Variants in ACER3 observed in about 807,000 individuals in gnomAD.
ACER3 encodes alkCDase 3.
ACER3 carries 16 observed loss-of-function variants against 48.9 expected under a neutral mutation model. That is an observed-to-expected ratio of 0.33 (90% CI 0.22 to 0.50). ACER3 has a LOEUF of 0.50. Ranked by LOEUF, ACER3 falls within the 20% of genes least tolerant of loss-of-function variation. The pLI, the probability that ACER3 is intolerant of heterozygous loss-of-function variation, is 0.98. For missense variants in ACER3, 227 were observed against 326.0 expected, an observed-to-expected ratio of 0.70 and a Z score of 2.34; for synonymous variants, 109 against 107.8, an observed-to-expected ratio of 1.01 and a Z score of -0.07.
Position 76,965,837 on chromosome 11 carries a change from C to G in ACER3, c.267+6806C>G, listed in dbSNP as rs1948122545. Among the ~76,000 whole-genome samples, 3 of 151,352 alleles carry G rather than the reference C, an allele frequency of 2.0e-5. No homozygotes were observed. In the South Asian group the frequency reaches 6.2e-4, roughly 31 times the overall value. ...TAAACATGGAAAGGAACAACCGGTACCAGCCACTGCAAAAACATGCCAAAT... is the reference window on the plus strand; with the variant it reads ...TAAACATGGAAAGGAACAACCGGTAGCAGCCACTGCAAAAACATGCCAAAT... On this transcript the variant is annotated intron_variant, in intron 3 of 10. Coordinates refer to ENST00000532485, the MANE Select transcript of ACER3 (RefSeq NM_018367.7).
At chr11:76,991,478 C>A (rs897725012) in intron 6 of ACER3, among the ~76,000 whole-genome samples, 1 of 152,040 alleles carries the variant, frequency 6.6e-6, no homozygotes, top group African/African-American at 2.4e-5. Context: ...TGCTTTTCTC[C>A]AGGTCAGCTG....
intron 2 of ACER3, among the ~76,000 whole-genome samples, chr11:76,952,139 TACACACACAC>T (rs71272233): frequency 4.1e-5 from 3 of 72,658 alleles, no homozygotes; most frequent in African/African-American, 1.2e-4. Context: ...TATATATATA[TACACACACAC>T]ACACACACAC....
Position 76,897,312 on chromosome 11 carries a change from C to T in ACER3, c.104-29245C>T, listed in dbSNP as rs576801686. 2.6e-5 allele frequency among the ~76,000 whole-genome samples: 4 copies of T among 152,224 alleles called. No homozygotes were observed. In the East Asian group the frequency reaches 7.7e-4, roughly 29 times the overall value. ...TAATTGTGGATGTTCTTTGACATTA[C>T]GTATACCAAAACTTGACAAGTGGTA... On this transcript the variant is annotated intron_variant, in intron 1 of 10. Coordinates refer to ENST00000532485, the MANE Select transcript of ACER3 (RefSeq NM_018367.7).
intron 1 of ACER3, among the ~76,000 whole-genome samples, chr11:76,921,838 A>T (rs745769996): frequency 1.3e-5 from 2 of 152,168 alleles, no homozygotes; most frequent in African/African-American, 2.4e-5. Flanking sequence ...CAGATTGTCA[A>T]TCTGACCCAG....
intron 1 of ACER3, among the ~76,000 whole-genome samples, chr11:76,922,018 A>C (rs1441222391): frequency 6.6e-6 from 1 of 152,204 alleles, no homozygotes; most frequent in Non-Finnish European, 1.5e-5. Flanking sequence ...GCTGAATTAA[A>C]GCAGAGAAAA....
intron 2 of ACER3, among the ~76,000 whole-genome samples, chr11:76,936,010 A>T (rs1231359300): frequency 6.6e-6 from 1 of 152,112 alleles, no homozygotes; most frequent in Non-Finnish European, 1.5e-5. Flanking sequence ...CAACAACAAA[A>T]CACCCTGCAT....
intron 3 of ACER3, among the ~76,000 whole-genome samples, chr11:76,962,700 A>C (rs1056888220): frequency 1.3e-5 from 2 of 151,422 alleles, no homozygotes; most frequent in Non-Finnish European, 2.9e-5. Flanking sequence ...GAAAGTAAAG[A>C]AATTTATTGC....
chr11:77,015,734 G>T (rs1306888851), intron 8 of ACER3, among the ~76,000 whole-genome samples: 1 of 152,150 alleles, frequency 6.6e-6, no homozygotes, highest in Non-Finnish European at 1.5e-5. Context: ...GTACTGAACA[G>T]TACTACAGGA....
At chr11:76,957,302 T>C (rs962188706) in intron 2 of ACER3, among the ~76,000 whole-genome samples, 1 of 152,218 alleles carries the variant, frequency 6.6e-6, no homozygotes, top group Non-Finnish European at 1.5e-5. Context: ...TTAGATGTTA[T>C]AAGGGCTGAT....
chr11:76,889,559 T>C (rs1254647980), intron 1 of ACER3, among the ~76,000 whole-genome samples: 1 of 152,212 alleles, frequency 6.6e-6, no homozygotes, highest in Non-Finnish European at 1.5e-5. Context: ...AATATAGAGT[T>C]GAGAAGTATA....
intron 1 of ACER3, among the ~76,000 whole-genome samples, chr11:76,918,262 T>C (rs1402323122): frequency 6.6e-6 from 1 of 152,116 alleles, no homozygotes; most frequent in Non-Finnish European, 1.5e-5. Flanking sequence ...GTTTCCTGTT[T>C]TTTTTTTCTT....
chr11:76,943,627 T>G lies in ACER3; in HGVS notation c.215-15352T>G, dbSNP rs1447441463. On this transcript the variant is annotated intron_variant, in intron 2 of 10. Transcript: ENST00000532485. ...ATGTGGTGATGAAAATAATATATAT[T>G]CTGTAGTTGTTGGGTAGAATGTTCT... Among the ~76,000 whole-genome samples the G allele has an allele frequency of 2.0e-5, 3 of 152,024 alleles. 1 individual carries two copies. The highest frequency in any genetic ancestry group is 4.4e-5 in the Non-Finnish European group (3 of 67,904).
chr11:76,872,911 C>CTTTTTTTTTTTTTTTTTTTTTTTTTTTTT (rs59654087), intron 1 of ACER3, among the ~76,000 whole-genome samples: 2 of 68,702 alleles, frequency 2.9e-5, no homozygotes, highest in Non-Finnish European at 3.4e-5. Context: ...TTTTCTTTTT[C>CTTTTTTTTTTTTTTTTTTTTTTTTTTTTT]TTTTTTTTTT....
At chr11:76,984,919 A>G (rs1231529406) in intron 4 of ACER3, among the ~76,000 whole-genome samples, 1 of 152,192 alleles carries the variant, frequency 6.6e-6, no homozygotes, top group African/African-American at 2.4e-5. Context: ...ACCCAATAGC[A>G]GGAAGTACAG....
chr11:76,921,529 G>A (rs963663359), intron 1 of ACER3, among the ~76,000 whole-genome samples: 3 of 152,086 alleles, frequency 2.0e-5, no homozygotes, highest in South Asian at 4.2e-4. Flanking sequence ...TCAGGTGCTC[G>A]TAAATGTTAG....
intron 1 of ACER3, among the ~76,000 whole-genome samples, chr11:76,903,390 C>T (rs537868295): frequency 6.6e-6 from 1 of 152,182 alleles, no homozygotes; most frequent in Admixed American, 6.5e-5. Flanking sequence ...CTCTGCCCAG[C>T]ATTCAATTTA....
At position 77,026,257 on chromosome 11, in the gene ACER3, T is replaced by C. The variant is rs1949548488; in HGVS notation, c.*5930T>C. On this transcript the variant is annotated 3_prime_UTR_variant, in exon 11 of 11. Transcript: ENST00000532485. ...TCAAGCTGTGGTAGTCATGTACACTTTTTTTCTTTTTTTTAACTTTCTAAA... is the reference window on the plus strand; with the variant it reads ...TCAAGCTGTGGTAGTCATGTACACTCTTTTTCTTTTTTTTAACTTTCTAAA... 2 of 11,180 alleles carry C rather than the reference T, an allele frequency of 1.8e-4. No individual in the cohort carries two copies. The highest frequency in any genetic ancestry group is 5.4e-4 in the Non-Finnish European group (2 of 3,738). 0.7% of individuals were successfully genotyped at this position (11,180 alleles called of 1,614,324 possible). A position where few individuals can be genotyped will look rare whatever the true frequency, so the allele number is the denominator to read the frequency against.
chr11:76,930,192 G>C (rs1946956496), intron 2 of ACER3, among the ~76,000 whole-genome samples: 1 of 152,134 alleles, frequency 6.6e-6, no homozygotes, highest in Admixed American at 6.5e-5. Flanking sequence ...GTTTAGTCTT[G>C]GGAGAGTGTA....
intron 2 of ACER3, among the ~76,000 whole-genome samples, chr11:76,948,432 T>G (rs1947541770): frequency 6.6e-6 from 1 of 152,196 alleles, no homozygotes; most frequent in African/African-American, 2.4e-5. Flanking sequence ...AGGACAACTT[T>G]CCAAGGTTCA....
Sources: allele counts gnomAD v4.1 joint callset (sites outside exome capture counted in the v4.1 genomes callset), GRCh38; gene constraint gnomAD v4.1.1; transcripts MANE v1.5; gene names NCBI Gene and HGNC (gene_info 2026-07-23, HGNC 2026-07-21).